Variants in TAOK1 observed in about 807,000 individuals in gnomAD.
The protein encoded by TAOK1 is TAO kinase 1.
Under a neutral mutation model 138.3 loss-of-function variants are expected in TAOK1, and 21 were observed. The ratio of observed to expected loss-of-function variants is 0.15; its 90% CI spans 0.11 to 0.22. The LOEUF is 0.22. TAOK1 is among the 10% of genes least tolerant of loss of function. The pLI is 1.00. For synonymous variants in TAOK1, 361 were observed against 398.4 expected (o/e 0.91, Z 1.12); for missense variants, 651 against 1,227.7 (o/e 0.53, Z 7.02).
At chr17:29,524,540 A>G (rs2031975136) in intron 17 of TAOK1, among the ~76,000 whole-genome samples, 1 of 152,260 alleles carries the variant, frequency 6.6e-6, no homozygotes, top group African/African-American at 2.4e-5. Context: ...CAGGCTTTAA[A>G]TAAAATGCAT....
chr17:29,504,276 C>CAAAAAAAAAAA (rs71138826), intron 13 of TAOK1, among the ~76,000 whole-genome samples: 1 of 40,848 alleles, frequency 2.4e-5, no homozygotes, highest in Non-Finnish European at 4.4e-5. Context: ...GACCCTGTCT[C>CAAAAAAAAAAA]AAAAAAAAAA....
chr17:29,492,907 G>A (rs57932475), intron 10 of TAOK1, among the ~76,000 whole-genome samples: 5,579 of 152,290 alleles, frequency 0.037, 317 homozygotes, highest in African/African-American at 0.13. Flanking sequence ...TTGGGAGGCC[G>A]AGGCGGGCGG....
chr17:29,526,417 T>C (rs956571644), intron 17 of TAOK1, among the ~76,000 whole-genome samples: 1 of 151,700 alleles, frequency 6.6e-6, no homozygotes, highest in African/African-American at 2.4e-5. Flanking sequence ...TAACCATGAA[T>C]GGTTTTTTTG....
At chr17:29,508,982 G>A (rs2031672444) in intron 14 of TAOK1, among the ~76,000 whole-genome samples, 1 of 151,860 alleles carries the variant, frequency 6.6e-6, no homozygotes, top group Non-Finnish European at 1.5e-5. Flanking sequence ...CTGCAGTGAG[G>A]CATTATTTAT....
At chr17:29,482,071 TTC>T in intron 7 of TAOK1, 124 bp from the exon 8 acceptor site, 1 of 628,630 alleles carries the variant, frequency 1.6e-6, no homozygotes, top group Non-Finnish European at 2.7e-6. Context: ...GTTATAAAAA[TTC>T]TTATGTCCAG....
At chr17:29,455,421 G>T (rs1433491177) in intron 2 of TAOK1, among the ~76,000 whole-genome samples, 2 of 150,362 alleles carry the variant, frequency 1.3e-5, no homozygotes, top group Non-Finnish European at 2.9e-5. Context: ...ATTTGCAAAT[G>T]GAGATGGTTT....
At chr17:29,516,026 G>A (rs761031137) in intron 15 of TAOK1, among the ~76,000 whole-genome samples, 1 of 150,288 alleles carries the variant, frequency 6.7e-6, no homozygotes, top group Non-Finnish European at 1.5e-5. Context: ...GTGCGATCTC[G>A]GCTCACTGCA....
At chr17:29,436,012 C>G (rs1479542629) in intron 1 of TAOK1, among the ~76,000 whole-genome samples, 1 of 152,138 alleles carries the variant, frequency 6.6e-6, no homozygotes, top group Non-Finnish European at 1.5e-5. Context: ...TGCCTGTAAT[C>G]CCAGCTACTT....
chr17:29,542,749 A>G lies in TAOK1; in HGVS notation c.2733A>G (p.Ser911=), dbSNP rs1403970973. The G allele has an allele frequency of 6.2e-7, 1 of 1,614,232 alleles. No homozygotes were observed. Among genetic ancestry groups the G allele is most frequent in the Admixed American group, 1.7e-5 (1 of 60,032 alleles). Residue 911 remains serine, a synonymous_variant, in exon 20 of 20, where the codon TCA becomes TCG. Coordinates refer to ENST00000261716, the MANE Select transcript of TAOK1 (RefSeq NM_020791.4). ...SHSYPGASGW[S]HNPTGGPGPH... ...GCTACCCGGGAGCTTCTGGTTGGTC[A>G]CACAACCCTACTGGGGGTCCAGGAC...
chr17:29,514,455 G>C (rs1015786963), intron 15 of TAOK1: 6 of 152,104 alleles, frequency 3.9e-5, no homozygotes, highest in African/African-American at 1.2e-4. Flanking sequence ...TACCTCCCAG[G>C]CTGAAGCAGT....
intron 1 of TAOK1, among the ~76,000 whole-genome samples, chr17:29,425,498 G>A (rs1301305511): frequency 2.0e-5 from 3 of 152,146 alleles, no homozygotes; most frequent in Non-Finnish European, 4.4e-5. Flanking sequence ...GGGCAGCATG[G>A]CGATACCCCA....
In TAOK1 at chr17:29,530,533, C is replaced by T; in HGVS notation, c.2275C>T (p.Arg759Trp). 2.5e-6 allele frequency: 4 copies of T among 1,614,120 alleles called. No individual in the cohort carries two copies. Among genetic ancestry groups the T allele is most frequent in the Non-Finnish European group, 3.4e-6 (4 of 1,180,022 alleles). ...PKSEHKAVLK[R>W]LKEEQTRKLA... ...GAGTGAGCACAAAGCTGTTCTGAAA[C>T]GGCTCAAGGAGGAACAGACCCGGAA... is the stretch of plus-strand genomic sequence containing the variant. Residue 759 changes from arginine (R) to tryptophan (W), a missense_variant, in exon 18 of 20, where the codon CGG (arginine) becomes TGG (tryptophan). Coordinates refer to ENST00000261716, the MANE Select transcript of TAOK1 (RefSeq NM_020791.4).
At chr17:29,537,815 A>G (rs1368910749) in intron 19 of TAOK1, among the ~76,000 whole-genome samples, 11 of 152,206 alleles carry the variant, frequency 7.2e-5, no homozygotes. Context: ...CAACCTAACT[A>G]TTTAAAATAG....
chr17:29,514,959 A>G (rs1372291343), intron 15 of TAOK1: 1 of 148,256 alleles, frequency 6.7e-6, no homozygotes, highest in Non-Finnish European at 1.5e-5. Flanking sequence ...AATTCGTGCC[A>G]GTGCATTCCA....
At chr17:29,530,807 T>C (rs1004461144) in intron 18 of TAOK1, 188 bp downstream of exon 18, 1 of 608,226 alleles carries the variant, frequency 1.6e-6, no homozygotes, top group South Asian at 2.0e-5. Flanking sequence ...TGTAGAATTC[T>C]CATTGATACA....
intron 12 of TAOK1, among the ~76,000 whole-genome samples, chr17:29,501,406 A>G (rs1291682894): frequency 6.8e-6 from 1 of 147,506 alleles, no homozygotes. Context: ...CTGGGCAACA[A>G]AATGGAGACC....
intron 13 of TAOK1, among the ~76,000 whole-genome samples, chr17:29,506,232 G>A (rs984215389): frequency 6.6e-6 from 1 of 152,182 alleles, no homozygotes; most frequent in East Asian, 1.9e-4. Flanking sequence ...ATCAGTGGAT[G>A]AGTGGATAAA....
At chr17:29,454,071 C>T (rs1246823133) in intron 2 of TAOK1, among the ~76,000 whole-genome samples, 1 of 151,926 alleles carries the variant, frequency 6.6e-6, no homozygotes, top group Non-Finnish European at 1.5e-5. Context: ...CCACCTTGGC[C>T]TCACAAAAGT....
chr17:29,484,341 T>G (rs2031123375), intron 8 of TAOK1, among the ~76,000 whole-genome samples: 1 of 152,236 alleles, frequency 6.6e-6, no homozygotes, highest in Non-Finnish European at 1.5e-5. Context: ...ACAAATGTTT[T>G]GAATATTTTG....
Sources: gnomAD v4.1 joint callset for allele counts (sites outside exome capture counted in the v4.1 genomes callset) on GRCh38, gnomAD v4.1.1 for gene constraint, MANE v1.5 for transcripts, NCBI Gene and HGNC (gene_info 2026-07-23, HGNC 2026-07-21) for gene names.